TNS1: variants seen among roughly 807,000 people sequenced by gnomAD.
TNS1 encodes tensin 1, also known as tensin-1.
TNS1 carries 62 observed loss-of-function variants against 168.6 expected under a neutral mutation model. That is an observed-to-expected ratio of 0.37 (90% CI 0.30 to 0.45). The LOEUF is 0.45. TNS1 is among the 20% of genes least tolerant of loss of function. The pLI is 1.00. For missense variants in TNS1, 2,240 were observed against 2,339.4 expected (o/e 0.96, Z 0.88); for synonymous variants, 934 against 933.2 (o/e 1.00, Z -0.02).
At chr2:217,842,183 G>A (rs577590638) in intron 19 of TNS1, 5 of 699,998 alleles carry the variant, frequency 7.1e-6, no homozygotes, top group East Asian at 2.7e-5. Context: ...TCAACCCCTC[G>A]GTGACATTGC....
intron 3 of TNS1, chr2:217,937,006 C>G: frequency 2.2e-6 from 1 of 456,920 alleles, no homozygotes; most frequent in Non-Finnish European, 4.4e-6. Flanking sequence ...CACATGCCTT[C>G]CCCTGTGCCT....
intron 22 of TNS1, among the ~76,000 whole-genome samples, chr2:217,822,521 C>T (rs1174345261): frequency 1.3e-5 from 2 of 152,174 alleles, no homozygotes; most frequent in East Asian, 3.9e-4. Context: ...CCCCTCTCTG[C>T]CTGACACACT....
chr2:217,930,366 T>G (rs1418300781), intron 3 of TNS1, among the ~76,000 whole-genome samples: 1 of 152,268 alleles, frequency 6.6e-6, no homozygotes, highest in East Asian at 1.9e-4. Context: ...ATGGAGAACA[T>G]GGCCTTTGAG....
chr2:217,817,662 G>A (rs376782346), intron 24 of TNS1, 28 bp downstream of exon 24: 12 of 1,531,206 alleles, frequency 7.8e-6, no homozygotes, highest in Non-Finnish European at 9.8e-6. Flanking sequence ...CAGCAGGAGA[G>A]GTGAAAATGG....
At chr2:217,881,119 G>A in intron 17 of TNS1, 105 bp from the exon 18 acceptor site, 1 of 774,144 alleles carries the variant, frequency 1.3e-6, no homozygotes, top group Non-Finnish European at 2.2e-6. Flanking sequence ...CCCCAAAAGA[G>A]GCTCCCTGAG....
intron 3 of TNS1, among the ~76,000 whole-genome samples, chr2:217,936,522 C>T (rs1183761563): frequency 6.6e-6 from 1 of 152,124 alleles, no homozygotes; most frequent in Non-Finnish European, 1.5e-5. Context: ...TTTTCCAGCC[C>T]CAGGGCTGAG....
intron 18 of TNS1, among the ~76,000 whole-genome samples, chr2:217,876,606 A>G (rs72950163): frequency 0.026 from 3,894 of 152,276 alleles, 76 homozygotes; most frequent in Non-Finnish European, 0.043. Flanking sequence ...TCCCCCATTC[A>G]GATTCCTGTT....
chr2:218,023,512 C>T (rs10197012), intron 1 of TNS1, among the ~76,000 whole-genome samples: 85,267 of 152,042 alleles, frequency 0.56, 25,850 homozygotes, highest in African/African-American at 0.78. Context: ...CCCGGCCCAC[C>T]TGTCTCCTGG....
chr2:217,842,860 T>G (rs573912515), intron 19 of TNS1, among the ~76,000 whole-genome samples: 1 of 152,232 alleles, frequency 6.6e-6, no homozygotes, highest in South Asian at 2.1e-4. Flanking sequence ...GGGGCTCATC[T>G]CTCGCTGCCC....
intron 22 of TNS1, chr2:217,830,246 C>G: frequency 7.6e-7 from 1 of 1,314,742 alleles, no homozygotes; most frequent in Non-Finnish European, 1.1e-6. Flanking sequence ...AGGCAGCCCC[C>G]AGCCCCCTTC....
chr2:217,866,451 G>T (rs1427671315), intron 18 of TNS1, among the ~76,000 whole-genome samples: 1 of 152,096 alleles, frequency 6.6e-6, no homozygotes, highest in Non-Finnish European at 1.5e-5. Flanking sequence ...CTCCAAACTT[G>T]TCTGAGGCTA....
intron 3 of TNS1, among the ~76,000 whole-genome samples, chr2:217,959,361 C>G (rs1957439579): frequency 6.6e-6 from 1 of 151,876 alleles, no homozygotes; most frequent in Non-Finnish European, 1.5e-5. Flanking sequence ...GGAACCTTAG[C>G]ATGGAACCTG....
At chr2:217,929,749 C>G (rs1420611728) in intron 3 of TNS1, among the ~76,000 whole-genome samples, 3 of 142,422 alleles carry the variant, frequency 2.1e-5, no homozygotes, top group African/African-American at 7.6e-5. Context: ...GCCCATGTGT[C>G]TGTCTTCCTT....
intron 3 of TNS1, among the ~76,000 whole-genome samples, chr2:217,973,074 C>T (rs977401969): frequency 1.4e-4 from 21 of 152,104 alleles, no homozygotes; most frequent in African/African-American, 5.1e-4. Context: ...GGAAGGCAGG[C>T]AGGGTGTGGT....
chr2:217,896,236 T>C (rs896135225), intron 8 of TNS1, among the ~76,000 whole-genome samples: 2 of 152,222 alleles, frequency 1.3e-5, no homozygotes, highest in Non-Finnish European at 2.9e-5. Flanking sequence ...CTCTTAACAA[T>C]GCCCCAATGC....
intron 18 of TNS1, among the ~76,000 whole-genome samples, chr2:217,858,182 A>G (rs3791957): frequency 0.53 from 80,423 of 151,668 alleles, 21,798 homozygotes; most frequent in African/African-American, 0.63. Flanking sequence ...CGTTACCCCC[A>G]CAAGACTTAG....
chr2:217,901,732 CGG>C (rs1953005997), intron 6 of TNS1: 1 of 152,240 alleles, frequency 6.6e-6, no homozygotes, highest in Admixed American at 6.5e-5. Context: ...GGGAAGTTGA[CGG>C]CCAGGCAGGA....
upstream of TNS1, among the ~76,000 whole-genome samples, chr2:218,007,565 G>T (rs941961490): frequency 1.6e-3 from 156 of 94,740 alleles, no homozygotes; most frequent in African/African-American, 4.7e-3. Context: ...GGCTCGGGGG[G>T]TGGGGGGGGG....
intron 3 of TNS1, among the ~76,000 whole-genome samples, chr2:217,958,514 A>T (rs893695296): frequency 6.6e-6 from 1 of 152,232 alleles, no homozygotes; most frequent in Non-Finnish European, 1.5e-5. Context: ...TGATGATGAC[A>T]GTGGCTTTTC....
Sources: allele counts gnomAD v4.1 joint callset (sites outside exome capture counted in the v4.1 genomes callset), GRCh38; gene constraint gnomAD v4.1.1; transcripts MANE v1.5; gene names NCBI Gene and HGNC (gene_info 2026-07-23, HGNC 2026-07-21).